Variants in DPF2 observed in about 807,000 individuals in gnomAD.
DPF2 encodes double PHD fingers 2.
In DPF2, 10 loss-of-function variants were observed where a neutral mutation model predicts 59.6. The observed-to-expected ratio is 0.17, with a 90% CI of 0.10 to 0.28. DPF2 has a LOEUF of 0.28. Ranked by LOEUF, DPF2 falls within the 10% of genes least tolerant of loss-of-function variation. DPF2 has a pLI of 1.00. For missense variants in DPF2, 315 were observed against 509.4 expected (o/e 0.62, Z 3.67); for synonymous variants, 189 against 190.6 (o/e 0.99, Z 0.07).
intron 1 of DPF2, among the ~76,000 whole-genome samples, chr11:65,337,777 GT>G (rs893599958): frequency 1.3e-5 from 2 of 149,424 alleles, no homozygotes; most frequent in Non-Finnish European, 3.0e-5. Context: ...CTAGCTGATG[GT>G]TTTTTTGTTT....
Position 65,340,469 on chromosome 11 carries a change from G to A in DPF2, c.117G>A (p.Leu39=). Residue 39 remains leucine, a synonymous_variant, in exon 2 of 11, where the codon CTG becomes CTA. Transcript: ENST00000528416. ...ARLCAERSVR[L]PFLDSQTGVA... ...TCTGTGCTGAGCGCAGCGTGCGCCT[G>A]CCTTTCTTGGACTCACAGACCGGAG... The A allele has an allele frequency of 6.2e-7, 1 of 1,614,254 alleles. No individual in the cohort carries two copies. The highest frequency in any genetic ancestry group is 8.5e-7 in the Non-Finnish European group (1 of 1,180,046).
chr11:65,346,225 T>A, intron 8 of DPF2, 22 bp from the exon 9 acceptor site: 4 of 1,612,662 alleles, frequency 2.5e-6, no homozygotes, highest in Non-Finnish European at 3.4e-6. Context: ...ACTGTCTGTC[T>A]CACTCACTTC....
chr11:65,336,917 G>A (rs184541437), intron 1 of DPF2, among the ~76,000 whole-genome samples: 129 of 143,954 alleles, frequency 9.0e-4, no homozygotes, highest in African/African-American at 2.9e-3. Context: ...GGTGAAACCC[G>A]TCTCTAGTAA....
In DPF2 at chr11:65,351,854, C is replaced by T; in HGVS notation, c.*95C>T. On this transcript the variant is annotated 3_prime_UTR_variant, in exon 11 of 11. Coordinates refer to ENST00000528416, the MANE Select transcript of DPF2 (RefSeq NM_006268.5). ...TCTTTCCCTTCTTCCTCCTCTCCTT[C>T]ACAAATCCAGAGAACCTTGGGGTGG... 7.1e-7 allele frequency: 1 copy of T among 1,409,484 alleles called. No individual in the cohort carries two copies. Among genetic ancestry groups the T allele is most frequent in the Middle Eastern group, 2.5e-4 (1 of 4,020 alleles). The allele number at this position is 1,409,484 out of a possible 1,614,324, so 87.3% of individuals were successfully genotyped here.
intron 10 of DPF2, 109 bp from the exon 11 acceptor site, chr11:65,351,574 C>A: frequency 1.1e-6 from 1 of 915,558 alleles, no homozygotes; most frequent in Non-Finnish European, 1.8e-6. Flanking sequence ...CATCCCTCGT[C>A]CTACCTGTAG....
intron 7 of DPF2, 52 bp from the exon 8 acceptor site, chr11:65,345,878 T>C: frequency 6.2e-7 from 1 of 1,613,462 alleles, no homozygotes; most frequent in Non-Finnish European, 8.5e-7. Flanking sequence ...GCATGGGTGT[T>C]GAGTGGCTCA....
intron 1 of DPF2, among the ~76,000 whole-genome samples, chr11:65,337,536 G>GAA (rs1565527979): frequency 2.3e-4 from 31 of 135,960 alleles, no homozygotes; most frequent in African/African-American, 8.6e-4. Context: ...GAGAGAGAGA[G>GAA]AGAGAGAGAG....
At position 65,333,899 on chromosome 11, in the gene DPF2, G is replaced by T. The variant is rs376349656; in HGVS notation, c.13G>T (p.Val5Leu). MAAV[V>L]ENVVKLLGEQ... ...AGGAACAGGGAAGATGGCGGCTGTG[G>T]TGGAGAATGTAGTGAAGCTGTGAGT... Residue 5 changes from valine to leucine, a missense_variant, in exon 1 of 11, where the codon GTG (valine) becomes TTG (leucine). By Grantham distance (32) the Val-to-Leu change is conservative (BLOSUM62 1). Around this residue, in one of 4 missense-constraint regions of DPF2, gnomAD observed 228 missense variants for 275.3 expected, o/e 0.83. Transcript: ENST00000528416. The T allele has an allele frequency of 3.1e-6, 5 of 1,614,040 alleles. No homozygotes were observed. The Admixed American group carries it at 5.0e-5, about 16-fold the overall frequency.
chr11:65,353,875 A>AGAG lies in DPF2; in HGVS notation c.*2118_*2120dup, dbSNP rs1189209587. Among the ~76,000 whole-genome samples the AGAG allele has an allele frequency of 6.6e-6, 1 of 152,184 alleles. No individual in the cohort carries two copies. Among genetic ancestry groups the AGAG allele is most frequent in the East Asian group, 1.9e-4 (1 of 5,192 alleles). ...TTTTCCACTGAAGTAGGCCAGGCAG[A>AGAG]GAGGGAGTACAGCAATGGATGCGCT... On this transcript the variant is annotated 3_prime_UTR_variant, in exon 11 of 11. Transcript: ENST00000528416.
chr11:65,343,415 G>A (rs1034166667), intron 4 of DPF2: 2 of 320,184 alleles, frequency 6.2e-6, no homozygotes, highest in African/African-American at 4.2e-5. Context: ...GTGCTCCCAG[G>A]GTGGCCAATC....
intron 1 of DPF2, among the ~76,000 whole-genome samples, chr11:65,336,840 C>CAG (rs1244748557): frequency 2.0e-5 from 3 of 150,534 alleles, no homozygotes; most frequent in Non-Finnish European, 4.4e-5. Flanking sequence ...CCTGTAATCC[C>CAG]AGCACTTTGG....
At chr11:65,339,160 A>G (rs1194570521) in intron 1 of DPF2, among the ~76,000 whole-genome samples, 1 of 151,866 alleles carries the variant, frequency 6.6e-6, no homozygotes, top group Non-Finnish European at 1.5e-5. Context: ...CTATTCCCAG[A>G]TACTTGGGAG....
intron 1 of DPF2, among the ~76,000 whole-genome samples, chr11:65,338,311 C>G (rs773468597): frequency 1.3e-5 from 2 of 152,184 alleles, no homozygotes; most frequent in South Asian, 2.1e-4. Context: ...ATTCTCCCCC[C>G]ACACTTCAGT....
chr11:65,341,011 G>A lies in DPF2; in HGVS notation c.239G>A (p.Arg80Gln), dbSNP rs1224053508. The A allele has an allele frequency of 5.0e-6, 8 of 1,614,032 alleles. No individual in the cohort carries two copies. Among genetic ancestry groups the A allele is most frequent in the Non-Finnish European group, 6.8e-6 (8 of 1,180,014 alleles). Residue 80 changes from arginine (R) to glutamine (Q), a missense_variant, in exon 3 of 11, where the codon CGG (arginine) becomes CAG (glutamine). Around this residue, in one of 4 missense-constraint regions of DPF2, gnomAD observed 228 missense variants for 275.3 expected, o/e 0.83. Transcript: ENST00000528416. ...QLYSYPARRWRKKRRAHPPED... is the reference protein window; with the variant it reads ...QLYSYPARRWQKKRRAHPPED... ...TACTCCTACCCTGCCCGGCGCTGGCGGAAAAAGCGGCGAGCCCATCCCCCT... is the reference window on the plus strand; with the variant it reads ...TACTCCTACCCTGCCCGGCGCTGGCAGAAAAAGCGGCGAGCCCATCCCCCT...
In DPF2 at chr11:65,345,948, G is replaced by C; in HGVS notation, c.794G>C (p.Gly265Ala). ...TCTGTAGCCAAAAAGGGTCCTGATG[G>C]ATTGGCCTTGCCCAACAACTACTGT... ...EEQKSKKGPD[G>A]LALPNNYCDF... Residue 265 changes from glycine (G) to alanine (A), a missense_variant, in exon 8 of 11, where the codon GGA (glycine) becomes GCA (alanine). This residue lies in a region of DPF2 where 58 missense variants were observed against 84.6 expected (regional missense o/e 0.69). Transcript: ENST00000528416. 1 of 1,614,186 alleles carries C rather than the reference G, an allele frequency of 6.2e-7. No individual in the cohort carries two copies. Among genetic ancestry groups the C allele is most frequent in the South Asian group, 1.1e-5 (1 of 91,084 alleles).
Position 65,340,590 on chromosome 11 carries a change from G to A in DPF2, c.193+45G>A, listed in dbSNP as rs1854335014. ...AGAAGGGGACTCAGGAGCATAAGGA[G>A]GAAGAAGCCTCCTCATCTTAGGTGA... On this transcript the variant is annotated intron_variant, in intron 2 of 10. Coordinates refer to ENST00000528416, the MANE Select transcript of DPF2 (RefSeq NM_006268.5). 6 of 1,607,096 alleles carry A rather than the reference G, an allele frequency of 3.7e-6. No homozygotes were observed. In the African/African-American group the frequency reaches 5.4e-5, roughly 14 times the overall value.
At chr11:65,346,197 C>CT (rs750608775) in intron 8 of DPF2, 50 bp from the exon 9 acceptor site, 98 of 1,602,852 alleles carry the variant, frequency 6.1e-5, no homozygotes, top group Non-Finnish European at 8.1e-5. Context: ...GAGCTCCTCT[C>CT]TTCCCCCCGC....
chr11:65,345,339 G>A (rs544915435), intron 6 of DPF2: 6 of 288,842 alleles, frequency 2.1e-5, no homozygotes, highest in African/African-American at 1.3e-4. Flanking sequence ...TCCTGACCTG[G>A]AGCGTCCCAG....
Position 65,348,766 on chromosome 11 carries a change from C to G in DPF2, c.1018-84C>G, listed in dbSNP as rs984115082. Reference sequence around the variant, plus strand: ...CATCTGTTCTTACCTGCTACCTACCCCTCTTGGAAATAGCAGTGTCCTGTA... The same window carrying G: ...CATCTGTTCTTACCTGCTACCTACCGCTCTTGGAAATAGCAGTGTCCTGTA... On this transcript the variant is annotated intron_variant, in intron 9 of 10. Transcript: ENST00000528416. 2.2e-6 allele frequency: 3 copies of G among 1,363,956 alleles called. No homozygotes were observed. The African/African-American group carries it at 4.3e-5, about 20-fold the overall frequency. 84.5% of individuals were successfully genotyped at this position (1,363,956 alleles called of 1,614,324 possible).
Sources: gnomAD v4.1 joint callset for allele counts (sites outside exome capture counted in the v4.1 genomes callset) on GRCh38, gnomAD v4.1.1 for gene constraint, gnomAD v4.1.1 regional missense constraint, MANE v1.5 for transcripts, NCBI Gene and HGNC (gene_info 2026-07-23, HGNC 2026-07-21) for gene names.